ZNRF3: variants seen among roughly 807,000 people sequenced by gnomAD.
The protein encoded by ZNRF3 is E3 ubiquitin-protein ligase ZNRF3.
Under a neutral mutation model 72.5 loss-of-function variants are expected in ZNRF3, and 23 were observed. The ratio of observed to expected loss-of-function variants is 0.32; its 90% confidence interval spans 0.23 to 0.45. ZNRF3 has a LOEUF of 0.45. Ranked by LOEUF, ZNRF3 falls within the 20% of genes least tolerant of loss-of-function variation. The pLI is 1.00. For missense variants in ZNRF3, 1,169 were observed against 1,272.1 expected (o/e 0.92, Z 1.23); for synonymous variants, 610 against 545.3 (o/e 1.12, Z -1.65).
intron 1 of ZNRF3, among the ~76,000 whole-genome samples, chr22:28,941,350 T>G (rs1351785276): frequency 6.6e-6 from 1 of 152,232 alleles, no homozygotes; most frequent in Non-Finnish European, 1.5e-5. Flanking sequence ...ATTTTTCATT[T>G]TAGAAATTCA....
chr22:28,942,736 T>G (rs1381936761), intron 1 of ZNRF3, among the ~76,000 whole-genome samples: 1 of 152,246 alleles, frequency 6.6e-6, no homozygotes, highest in East Asian at 1.9e-4. Flanking sequence ...TTGACCCTTG[T>G]GTCTTTCAAC....
Position 29,020,761 on chromosome 22 carries a change from T to TGTGTG in ZNRF3, c.427-21734_427-21733insGTGTG, listed in dbSNP as rs1569284112. Reference sequence around the variant, plus strand: ...CAGATTTCATTGAGAGGGGCTTTGTTTTTGTGTGTGTGTGGGTGTGTGTGT... The same window carrying TGTGTG: ...CAGATTTCATTGAGAGGGGCTTTGTTGTGTGTTTGTGTGTGTGTGGGTGTGTGTGT... On this transcript the variant is annotated intron_variant, in intron 2 of 8. Transcript: ENST00000544604. 2.6e-3 allele frequency among the ~76,000 whole-genome samples: 110 copies of TGTGTG among 42,962 alleles called. 1 individual carries two copies. Among genetic ancestry groups the TGTGTG allele is most frequent in the African/African-American group, 7.4e-3 (99 of 13,306 alleles). 28.2% of individuals were successfully genotyped at this position (42,962 alleles called of 152,430 possible).
chr22:29,033,409 T>C (rs1370218345), intron 2 of ZNRF3, among the ~76,000 whole-genome samples: 2 of 150,388 alleles, frequency 1.3e-5, no homozygotes, highest in Non-Finnish European at 2.9e-5. Context: ...TTGAGTGTTG[T>C]GTTCAGAAAC....
intron 2 of ZNRF3, chr22:29,018,234 C>G: frequency 3.1e-6 from 1 of 318,266 alleles, no homozygotes; most frequent in South Asian, 2.6e-5. Flanking sequence ...AGAGAAACTG[C>G]TGCATTACAG....
chr22:28,966,631 A>G (rs2035466142), intron 1 of ZNRF3, among the ~76,000 whole-genome samples: 1 of 152,166 alleles, frequency 6.6e-6, no homozygotes, highest in African/African-American at 2.4e-5. Context: ...AAGTTTAAAA[A>G]AGTAAAAAAA....
intron 1 of ZNRF3, among the ~76,000 whole-genome samples, chr22:28,899,482 G>A (rs1290103348): frequency 6.6e-6 from 1 of 152,262 alleles, no homozygotes; most frequent in Admixed American, 6.5e-5. Flanking sequence ...TAGGGACCAC[G>A]GTGACTGGGG....
chr22:28,997,405 G>A (rs368776049), intron 2 of ZNRF3, among the ~76,000 whole-genome samples: 8 of 151,798 alleles, frequency 5.3e-5, no homozygotes, highest in Non-Finnish European at 1.0e-4. Flanking sequence ...TGTCAGGGTT[G>A]GGGGGTGGGA....
chr22:29,011,352 C>T (rs979523964), intron 2 of ZNRF3, among the ~76,000 whole-genome samples: 1 of 152,118 alleles, frequency 6.6e-6, no homozygotes, highest in African/African-American at 2.4e-5. Context: ...ATGGGGTGCT[C>T]CTGTCCGTCT....
Position 28,892,320 on chromosome 22 carries a change from A to C in ZNRF3, c.300+8254A>C, listed in dbSNP as rs1158460437. Among the ~76,000 whole-genome samples the C allele has an allele frequency of 3.9e-5, 6 of 152,336 alleles. No homozygotes were observed. In the East Asian group the frequency reaches 1.2e-3, roughly 29 times the overall value. On this transcript the variant is annotated intron_variant, in intron 1 of 8. Transcript: ENST00000544604. ...AGCACACGAACGGTTACCTTACAGTACAGTGGGGCATGTCCTATCTGGTAG... is the reference window on the plus strand; with the variant it reads ...AGCACACGAACGGTTACCTTACAGTCCAGTGGGGCATGTCCTATCTGGTAG...
intron 1 of ZNRF3, among the ~76,000 whole-genome samples, chr22:28,970,051 A>C (rs1263461486): frequency 6.6e-6 from 1 of 152,222 alleles, no homozygotes; most frequent in Non-Finnish European, 1.5e-5. Context: ...GAGGAAGCTC[A>C]GTTTTAAACA....
intron 2 of ZNRF3, among the ~76,000 whole-genome samples, chr22:29,033,009 C>G (rs2036791277): frequency 6.6e-6 from 1 of 152,130 alleles, no homozygotes; most frequent in African/African-American, 2.4e-5. Context: ...TCCTGTTACC[C>G]CACATGTGGC....
At position 29,038,632 on chromosome 22, in the gene ZNRF3, G is replaced by GT. The variant is rs539688149; in HGVS notation, c.427-3862dup. ...AGGCATGAGCCACTGCACCTGGCCTGTATTTTTTTAATTTCCTTTCAGAAC... is the reference window on the plus strand; with the variant it reads ...AGGCATGAGCCACTGCACCTGGCCTGTTATTTTTTTAATTTCCTTTCAGAAC... On this transcript the variant is annotated intron_variant, in intron 2 of 8. Coordinates refer to ENST00000544604, the MANE Select transcript of ZNRF3 (RefSeq NM_001206998.2). 7.3e-3 allele frequency among the ~76,000 whole-genome samples: 1,117 copies of GT among 152,168 alleles called. 19 individuals are homozygous for GT. Among genetic ancestry groups the GT allele is most frequent in the African/African-American group, 0.026 (1,079 of 41,516 alleles).
intron 1 of ZNRF3, among the ~76,000 whole-genome samples, chr22:28,887,803 A>G (rs2033818419): frequency 6.6e-6 from 1 of 152,208 alleles, no homozygotes; most frequent in Non-Finnish European, 1.5e-5. Context: ...GTTGCTGTTA[A>G]TGAGATCATT....
intron 2 of ZNRF3, among the ~76,000 whole-genome samples, chr22:28,997,568 A>C (rs2036064335): frequency 6.6e-6 from 1 of 152,056 alleles, no homozygotes; most frequent in African/African-American, 2.4e-5. Flanking sequence ...TCTCCATCTG[A>C]GGAGTGTGAA....
At position 29,050,128 on chromosome 22, in the gene ZNRF3, C is replaced by G; in HGVS notation, c.1947C>G (p.Gly649=). The G allele has an allele frequency of 1.9e-6, 3 of 1,606,218 alleles. No individual in the cohort carries two copies. In the South Asian group the frequency reaches 3.3e-5, roughly 18 times the overall value. The change falls in exon 8 of 9, where the codon GGC becomes GGG. Residue 649 remains glycine, a synonymous_variant. Coordinates refer to ENST00000544604, the MANE Select transcript of ZNRF3 (RefSeq NM_001206998.2). ...HGAGRGEPWP[G]PASPSGDQVS... is the part of the protein sequence containing the mutation. ...CTGGGCGGGGCGAGCCTTGGCCGGG[C>G]CCTGCCTCTCCCTCGGGGGATCAGG...
intron 1 of ZNRF3, among the ~76,000 whole-genome samples, chr22:28,960,236 C>T (rs1031246608): frequency 1.3e-5 from 2 of 152,158 alleles, no homozygotes; most frequent in African/African-American, 4.8e-5. Context: ...CTGGACTGTG[C>T]ATTTTTCGTT....
At chr22:28,972,725 C>T (rs1156278657) in intron 1 of ZNRF3, among the ~76,000 whole-genome samples, 1 of 152,230 alleles carries the variant, frequency 6.6e-6, no homozygotes, top group African/African-American at 2.4e-5. Flanking sequence ...GCGTTGCCAT[C>T]AGCAGTGTTT....
intron 1 of ZNRF3, among the ~76,000 whole-genome samples, chr22:28,921,517 G>GCCTC (rs1355623250): frequency 6.6e-6 from 1 of 152,196 alleles, no homozygotes; most frequent in Non-Finnish European, 1.5e-5. Context: ...CAATGCTGCT[G>GCCTC]CCTCCAGGAA....
intron 1 of ZNRF3, among the ~76,000 whole-genome samples, chr22:28,948,086 G>A (rs1345950867): frequency 6.6e-6 from 1 of 151,904 alleles, no homozygotes. Context: ...CTTCTGATCC[G>A]CCCACCTTGG....
Sources: allele counts gnomAD v4.1 joint callset (sites outside exome capture counted in the v4.1 genomes callset), GRCh38; gene constraint gnomAD v4.1.1; transcripts MANE v1.5; gene names NCBI Gene and HGNC (gene_info 2026-07-23, HGNC 2026-07-21).